Variants in BMPR2 observed in about 807,000 individuals in gnomAD.
BMPR2 encodes bone morphogenetic protein receptor type 2.
A neutral mutation model predicts 100.8 loss-of-function variants in BMPR2; 29 were observed. The ratio of observed to expected loss-of-function variants is 0.29; its 90% CI spans 0.21 to 0.39. BMPR2 has a LOEUF of 0.39. BMPR2 is among the 10% of genes least tolerant of loss of function. The pLI is 1.00. For synonymous variants in BMPR2, 382 were observed against 442.3 expected (o/e 0.86, Z 1.71); for missense variants, 1,011 against 1,274.5 (o/e 0.79, Z 3.15).
intron 1 of BMPR2, among the ~76,000 whole-genome samples, chr2:202,392,815 A>G (rs1459840276): frequency 1.3e-5 from 2 of 151,876 alleles, no homozygotes; most frequent in Admixed American, 1.3e-4. Flanking sequence ...CAACATGGAG[A>G]AACCCCGTCT....
intron 3 of BMPR2, among the ~76,000 whole-genome samples, chr2:202,475,861 A>G (rs987720504): frequency 1.3e-5 from 2 of 152,048 alleles, no homozygotes; most frequent in Non-Finnish European, 2.9e-5. Flanking sequence ...ACCTAAGGTC[A>G]GGAGTTTGAG....
chr2:202,557,464 AACACACACACACACACACACAC>A (rs138065331), intron 12 of BMPR2, among the ~76,000 whole-genome samples: 10 of 125,446 alleles, frequency 8.0e-5, no homozygotes, highest in East Asian at 7.2e-4. Context: ...CTCTGTCTCA[AACACACACACACACACACACAC>A]ACACACACAC....
At chr2:202,451,435 A>C (rs886865912) in intron 1 of BMPR2, among the ~76,000 whole-genome samples, 1 of 152,200 alleles carries the variant, frequency 6.6e-6, no homozygotes, top group African/African-American at 2.4e-5. Context: ...ACAGTGGCCC[A>C]CGCCTGTAAT....
chr2:202,441,354 A>G (rs1245659156), intron 1 of BMPR2, among the ~76,000 whole-genome samples: 1 of 150,386 alleles, frequency 6.6e-6, no homozygotes, highest in Non-Finnish European at 1.5e-5. Context: ...AGTGCAATAA[A>G]TATCTTTTTT....
intron 7 of BMPR2, among the ~76,000 whole-genome samples, chr2:202,524,051 G>A (rs1161749270): frequency 6.6e-6 from 1 of 151,994 alleles, no homozygotes; most frequent in Non-Finnish European, 1.5e-5. Flanking sequence ...GAGAGAGGGA[G>A]AGGGGCAAGG....
chr2:202,423,957 C>T (rs1691325931), intron 1 of BMPR2, among the ~76,000 whole-genome samples: 1 of 150,926 alleles, frequency 6.6e-6, no homozygotes, highest in Non-Finnish European at 1.5e-5. Flanking sequence ...GCAGACGTCC[C>T]AACTACATGG....
At chr2:202,465,391 GA>G (rs199788946) in intron 2 of BMPR2, among the ~76,000 whole-genome samples, 5 of 148,948 alleles carry the variant, frequency 3.4e-5, no homozygotes, top group Non-Finnish European at 6.0e-5. Flanking sequence ...CCATCTCAAA[GA>G]AAAAAAAAGT....
At chr2:202,487,004 T>A (rs1211039005) in intron 3 of BMPR2, among the ~76,000 whole-genome samples, 1 of 152,238 alleles carries the variant, frequency 6.6e-6, no homozygotes, top group Non-Finnish European at 1.5e-5. Flanking sequence ...GGTCTTATAT[T>A]TTGAAAGAAA....
chr2:202,544,216 C>A (rs1338728995), intron 10 of BMPR2, among the ~76,000 whole-genome samples: 3 of 152,036 alleles, frequency 2.0e-5, no homozygotes, highest in African/African-American at 7.2e-5. Context: ...CTTTCTTTGT[C>A]TTGTTTTTAG....
At chr2:202,421,512 G>A (rs1257185922) in intron 1 of BMPR2, among the ~76,000 whole-genome samples, 1 of 146,200 alleles carries the variant, frequency 6.8e-6, no homozygotes, top group African/African-American at 2.5e-5. Context: ...ACTGAATGGT[G>A]CTTGGCAGAG....
chr2:202,535,512 C>T (rs1156474196), intron 9 of BMPR2, among the ~76,000 whole-genome samples: 5 of 151,388 alleles, frequency 3.3e-5, no homozygotes, highest in Non-Finnish European at 7.4e-5. Context: ...ACGCTCCTCA[C>T]TTCCTAGATG....
At chr2:202,389,267 G>A (rs928892436) in intron 1 of BMPR2, among the ~76,000 whole-genome samples, 2 of 151,606 alleles carry the variant, frequency 1.3e-5, no homozygotes, top group Non-Finnish European at 2.9e-5. Flanking sequence ...GTGGCTCAGG[G>A]CTGTAATCCC....
chr2:202,539,213 T>TA (rs1042132884), intron 9 of BMPR2, among the ~76,000 whole-genome samples: 1 of 151,772 alleles, frequency 6.6e-6, no homozygotes, highest in African/African-American at 2.4e-5. Flanking sequence ...AAAATAAAAA[T>TA]AAAAAACCAC....
chr2:202,475,734 C>T (rs1461002829), intron 3 of BMPR2, among the ~76,000 whole-genome samples: 2 of 152,008 alleles, frequency 1.3e-5, no homozygotes, highest in African/African-American at 4.8e-5. Context: ...GTTAACTGAC[C>T]TGGCTTTTAC....
intron 3 of BMPR2, among the ~76,000 whole-genome samples, chr2:202,481,896 A>G (rs946443299): frequency 3.3e-5 from 5 of 152,228 alleles, no homozygotes; most frequent in African/African-American, 1.2e-4. Flanking sequence ...TGTACAGTTC[A>G]GTATAGTTCC....
At chr2:202,440,751 A>G (rs974130291) in intron 1 of BMPR2, among the ~76,000 whole-genome samples, 4 of 150,376 alleles carry the variant, frequency 2.7e-5, no homozygotes, top group African/African-American at 7.5e-5. Flanking sequence ...GTGGCAGTAC[A>G]GTCCAGCCTT....
intron 1 of BMPR2, among the ~76,000 whole-genome samples, chr2:202,416,321 A>G (rs1260389761): frequency 1.3e-5 from 2 of 151,340 alleles, no homozygotes; most frequent in Non-Finnish European, 2.9e-5. Context: ...CTGGAGTGCA[A>G]TGGCGTGGTC....
intron 3 of BMPR2, among the ~76,000 whole-genome samples, chr2:202,476,498 T>A (rs1302088045): frequency 6.6e-6 from 1 of 152,116 alleles, no homozygotes; most frequent in Non-Finnish European, 1.5e-5. Context: ...TTTAAAATAA[T>A]GTTAAATAGG....
chr2:202,481,448 G>A (rs1692659295), intron 3 of BMPR2, among the ~76,000 whole-genome samples: 1 of 152,124 alleles, frequency 6.6e-6, no homozygotes. Context: ...CAAAGTGCTG[G>A]GATTACAGGC....
Sources: allele counts gnomAD v4.1 joint callset (sites outside exome capture counted in the v4.1 genomes callset), GRCh38; gene constraint gnomAD v4.1.1; transcripts MANE v1.5; gene names NCBI Gene and HGNC (gene_info 2026-07-23, HGNC 2026-07-21).